Variants in CCT3 observed in about 807,000 individuals in gnomAD.
CCT3 encodes chaperonin containing TCP1 subunit 3, also known as T-complex protein 1 subunit gamma.
A neutral mutation model predicts 65.3 loss-of-function variants in CCT3; 10 were observed. That is an observed-to-expected ratio of 0.15 (90% CI 0.09 to 0.26). CCT3 has a LOEUF of 0.26. CCT3 is among the 10% of genes least tolerant of loss of function. The probability of loss-of-function intolerance (pLI) is 1.00; values close to 1 mark genes in which losing one functional copy is unlikely to be tolerated. For synonymous variants in CCT3, 225 were observed against 242.3 expected (o/e 0.93, Z 0.66); for missense variants, 626 against 708.7 (o/e 0.88, Z 1.33).
intron 2 of CCT3, 200 bp downstream of exon 2, chr1:156,335,624 GAGA>G (rs914124920): frequency 3.3e-5 from 17 of 517,102 alleles, no homozygotes; most frequent in African/African-American, 3.1e-4. Flanking sequence ...AAGTTAATAC[GAGA>G]AGATTATCAG....
At chr1:156,330,044 T>C (rs1342150872) in intron 5 of CCT3, among the ~76,000 whole-genome samples, 3 of 152,200 alleles carry the variant, frequency 2.0e-5, no homozygotes, top group African/African-American at 4.8e-5. Context: ...GCTGGTCAAG[T>C]GTTCTTTTTC....
intron 5 of CCT3, among the ~76,000 whole-genome samples, chr1:156,326,734 T>C (rs1280646427): frequency 6.6e-6 from 1 of 151,568 alleles, no homozygotes; most frequent in Non-Finnish European, 1.5e-5. Flanking sequence ...GTAAAACATC[T>C]CCTTCTTTTA....
In CCT3 at chr1:156,334,750, A is replaced by G. The variant is rs1477063455; in HGVS notation, c.170T>C (p.Ile57Thr). 1.2e-6 allele frequency: 2 copies of G among 1,614,202 alleles called. No individual in the cohort carries two copies. Among genetic ancestry groups the G allele is most frequent in the Non-Finnish European group, 8.5e-7 (1 of 1,180,018 alleles). ...GGCATTGCCATCATTGGTCATCACA[A>G]TGCCTCCCATTGGGTCCAAAAGCAT... ...MKMLLDPMGG[I>T]VMTNDGNAIL... Residue 57 changes from isoleucine to threonine, a missense_variant, in exon 4 of 14, where the codon ATT (isoleucine) becomes ACT (threonine). Ile to Thr is a moderately conservative substitution (Grantham distance 89). Coordinates refer to ENST00000295688, the MANE Select transcript of CCT3 (RefSeq NM_005998.5).
chr1:156,324,805 T>C (rs1306525471), intron 6 of CCT3, among the ~76,000 whole-genome samples, 167 bp downstream of exon 6: 1 of 152,132 alleles, frequency 6.6e-6, no homozygotes, highest in East Asian at 1.9e-4. Flanking sequence ...TTTTTTGTAT[T>C]TTTAGTACAG....
At chr1:156,314,104 A>C (rs12036837) in intron 10 of CCT3, among the ~76,000 whole-genome samples, 32,652 of 136,466 alleles carry the variant, frequency 0.24, 4,352 homozygotes, top group Non-Finnish European at 0.29. Context: ...AAAAAAAAAA[A>C]GTCAACATTA....
chr1:156,310,706 A>C lies in CCT3; in HGVS notation c.1402-17T>G. On this transcript the variant is annotated splice_polypyrimidine_tract_variant and intron_variant, in intron 12 of 13. Transcript: ENST00000295688. ...GTGCTTGGCCTGCAATTGAAGCAAG[A>C]AGTAAAGGGGAAAATAAGTTAACAG... The C allele has an allele frequency of 6.2e-7, 1 of 1,612,722 alleles. No individual in the cohort carries two copies. Among genetic ancestry groups the C allele is most frequent in the East Asian group, 2.2e-5 (1 of 44,880 alleles).
At position 156,333,598 on chromosome 1, in the gene CCT3, G is replaced by A. The variant is rs202101124; in HGVS notation, c.253C>T (p.Arg85Trp). The change falls in exon 5 of 14, where the codon CGG becomes TGG. Residue 85 changes from arginine to tryptophan, a missense_variant. Physicochemically the swap from Arg to Trp is moderately radical, Grantham distance 101. Coordinates refer to ENST00000295688, the MANE Select transcript of CCT3 (RefSeq NM_005998.5). Reference sequence around the variant, plus strand: ...TCTCCAACCTCTTCATCCTGGGTCCGGCTAATTTCGATCATGGACTTGGCC... The same window carrying A: ...TCTCCAACCTCTTCATCCTGGGTCCAGCTAATTTCGATCATGGACTTGGCC... Reference protein sequence around the residue: ...PAAKSMIEISRTQDEEVGDGT... With the variant: ...PAAKSMIEISWTQDEEVGDGT... The A allele has an allele frequency of 6.2e-6, 10 of 1,613,896 alleles. No homozygotes were observed. Among genetic ancestry groups the A allele is most frequent in the South Asian group, 4.4e-5 (4 of 91,076 alleles).
chr1:156,319,041 T>C (rs1664432552), intron 7 of CCT3, 24 bp from the exon 8 acceptor site: 2 of 1,570,472 alleles, frequency 1.3e-6, no homozygotes, highest in Admixed American at 3.8e-5. Flanking sequence ...AACTGCACTT[T>C]AATCCACAAT....
At position 156,320,982 on chromosome 1, in the gene CCT3, T is replaced by C. The variant is rs968700408; in HGVS notation, c.466A>G (p.Ile156Val). 3 of 1,614,034 alleles carry C rather than the reference T, an allele frequency of 1.9e-6. No homozygotes were observed. Among genetic ancestry groups the C allele is most frequent in the Middle Eastern group, 3.3e-4 (2 of 6,084 alleles). ...ISDSDMMLNI[I>V]NSSITTKAIS... ...GCTTTGGTAGTAATAGAGCTGTTGA[T>C]GATGTTCAGCATCATATCACTGTCA... Residue 156 changes from isoleucine to valine, a missense_variant, in exon 7 of 14, where the codon ATC becomes GTC. By Grantham distance (29) the Ile-to-Val change is conservative. Transcript: ENST00000295688.
intron 10 of CCT3, among the ~76,000 whole-genome samples, chr1:156,315,038 G>A (rs1055124078): frequency 6.6e-6 from 1 of 152,064 alleles, no homozygotes; most frequent in African/African-American, 2.4e-5. Flanking sequence ...GTTACACTGA[G>A]TGTGCCTCCT....
At chr1:156,310,876 G>T (rs1338255063) in intron 12 of CCT3, 74 bp downstream of exon 12, 2 of 1,542,514 alleles carry the variant, frequency 1.3e-6, no homozygotes, top group Non-Finnish European at 1.8e-6. Context: ...TGGATAGCCA[G>T]ATAAGAATCT....
intron 3 of CCT3, 34 bp downstream of exon 3, chr1:156,334,834 G>A: frequency 1.2e-6 from 2 of 1,613,738 alleles, no homozygotes; most frequent in South Asian, 1.1e-5. Flanking sequence ...GAAAAAAATT[G>A]TAGCCTAAGA....
intron 5 of CCT3, among the ~76,000 whole-genome samples, chr1:156,332,056 T>C (rs530972878): frequency 6.7e-6 from 1 of 149,728 alleles, no homozygotes; most frequent in East Asian, 2.0e-4. Flanking sequence ...GACATGGTCT[T>C]GCTTTGTTGC....
intron 5 of CCT3, among the ~76,000 whole-genome samples, chr1:156,329,807 C>T (rs967594102): frequency 1.1e-4 from 17 of 151,618 alleles, no homozygotes; most frequent in Non-Finnish European, 2.4e-4. Context: ...GGCATGGTGG[C>T]GGGTGCCTGT....
intron 1 of CCT3, chr1:156,337,028 G>A: frequency 8.0e-7 from 1 of 1,250,982 alleles, no homozygotes; most frequent in South Asian, 1.3e-5. Context: ...GAGATGGCTA[G>A]CCAGGCTCTG....
intron 13 of CCT3, among the ~76,000 whole-genome samples, chr1:156,309,621 T>G (rs1335188924): frequency 1.3e-5 from 2 of 151,940 alleles, no homozygotes; most frequent in Non-Finnish European, 2.9e-5. Context: ...AGATGGGGTT[T>G]CCTCATGTTG....
At chr1:156,326,021 A>C (rs188001376) in intron 5 of CCT3, among the ~76,000 whole-genome samples, 16 of 152,168 alleles carry the variant, frequency 1.1e-4, no homozygotes, top group African/African-American at 3.9e-4. Context: ...AACAAAACAC[A>C]CAAAACCCTA....
At chr1:156,336,676 A>AG (rs1665385787) in intron 1 of CCT3, among the ~76,000 whole-genome samples, 1 of 152,330 alleles carries the variant, frequency 6.6e-6, no homozygotes, top group South Asian at 2.1e-4. Context: ...ACTCACCCCC[A>AG]GGCCATGTCA....
chr1:156,313,532 T>C (rs1664174426), intron 10 of CCT3, among the ~76,000 whole-genome samples: 1 of 152,182 alleles, frequency 6.6e-6, no homozygotes, highest in Non-Finnish European at 1.5e-5. Context: ...AGCCTGTCCC[T>C]TGGGCAGTCA....
Sources: gnomAD v4.1 joint callset for allele counts (sites outside exome capture counted in the v4.1 genomes callset) on GRCh38, gnomAD v4.1.1 for gene constraint, MANE v1.5 for transcripts, NCBI Gene and HGNC (gene_info 2026-07-23, HGNC 2026-07-21) for gene names.